The following TBCEL variants were observed in gnomAD, a reference collection of about 807,000 sequenced individuals.
TBCEL encodes the protein tubulin folding cofactor E like, also known as tubulin-specific chaperone cofactor E-like protein.
Under a neutral mutation model 44.2 loss-of-function variants are expected in TBCEL, and 15 were observed. The ratio of observed to expected loss-of-function variants is 0.34; its 90% CI spans 0.23 to 0.52. TBCEL has a LOEUF of 0.52. Among genes scored for constraint, TBCEL ranks in the 20% least tolerant of loss-of-function variants. The probability of loss-of-function intolerance (pLI) is 0.95; values close to 1 mark genes in which losing one functional copy is unlikely to be tolerated. For synonymous variants in TBCEL, 171 were observed against 185.4 expected (o/e 0.92, Z 0.63); for missense variants, 319 against 506.3 (o/e 0.63, Z 3.55).
chr11:121,030,188 T>C (rs1468356605), intron 1 of TBCEL, among the ~76,000 whole-genome samples: 1 of 152,108 alleles, frequency 6.6e-6, no homozygotes, highest in African/African-American at 2.4e-5. Context: ...ATGCAAAGGC[T>C]GTAGGGGGAA....
intron 8 of TBCEL, among the ~76,000 whole-genome samples, chr11:121,086,502 CT>C (rs1946219753): frequency 6.6e-6 from 1 of 152,096 alleles, no homozygotes; most frequent in Admixed American, 6.6e-5. Flanking sequence ...ATAGTGTCTA[CT>C]TTTCTAGGTT....
At chr11:121,045,585 T>C in intron 2 of TBCEL, 89 bp from the exon 3 acceptor site, 1 of 1,085,586 alleles carries the variant, frequency 9.2e-7, no homozygotes, top group African/African-American at 1.6e-5. Context: ...CCTAGTCTAG[T>C]ACTTTATACA....
rs1242711889 is a variant in TBCEL, at chr11:121,061,214, T to C, written c.956+1129T>C. 3.3e-5 allele frequency among the ~76,000 whole-genome samples: 5 copies of C among 152,022 alleles called. No homozygotes were observed. The East Asian group carries it at 9.6e-4, about 29-fold the overall frequency. ...TATTAGGTTAAACCAGATGAAATTTTTTTTAGGTAAAAAATGCTATAGTAT... is the reference window on the plus strand; with the variant it reads ...TATTAGGTTAAACCAGATGAAATTTCTTTTAGGTAAAAAATGCTATAGTAT... On this transcript the variant is annotated intron_variant, in intron 8 of 8. Transcript: ENST00000683345.
intron 8 of TBCEL, among the ~76,000 whole-genome samples, chr11:121,068,147 C>T (rs1039459488): frequency 3.3e-5 from 5 of 152,304 alleles, no homozygotes; most frequent in South Asian, 4.1e-4. Context: ...AAATTCCAGA[C>T]GGCGCTTTCC....
At chr11:121,065,787 G>A (rs949663736) in intron 8 of TBCEL, among the ~76,000 whole-genome samples, 1 of 152,172 alleles carries the variant, frequency 6.6e-6, no homozygotes, top group Non-Finnish European at 1.5e-5. Context: ...TAAATCACCA[G>A]CACAGCACAG....
At chr11:121,049,724 G>A (rs1945496062) in intron 4 of TBCEL, among the ~76,000 whole-genome samples, 1 of 151,736 alleles carries the variant, frequency 6.6e-6, no homozygotes. Flanking sequence ...TTTGTGCCTG[G>A]ACCATGTATA....
At chr11:121,036,754 G>A (rs1348262326) in intron 2 of TBCEL, 142 bp downstream of exon 2, 1 of 152,162 alleles carries the variant, frequency 6.6e-6, no homozygotes, top group Non-Finnish European at 1.5e-5. Flanking sequence ...AAGCATGAGA[G>A]TCAGTCATAG....
Position 121,028,047 on chromosome 11 carries a change from AT to A in TBCEL, c.-126+3758del, listed in dbSNP as rs374092381. On this transcript the variant is annotated intron_variant, in intron 1 of 8. Coordinates refer to ENST00000683345, the MANE Select transcript of TBCEL (RefSeq NM_001363644.2). ...GTAGGGAGACCCATCTCTATGAAAA[AT>A]TAAAAAATTAGCCAGGCATAGTGGT... 4.4e-3 allele frequency among the ~76,000 whole-genome samples: 664 copies of A among 152,146 alleles called. 4 individuals are homozygous for A. Among genetic ancestry groups the A allele is most frequent in the African/African-American group, 0.015 (622 of 41,488 alleles).
intron 3 of TBCEL, among the ~76,000 whole-genome samples, chr11:121,046,244 ATAAT>A (rs1296035453): frequency 1.3e-5 from 2 of 152,124 alleles, no homozygotes; most frequent in African/African-American, 4.8e-5. Context: ...AATTTAAAAG[ATAAT>A]TAATATGATC....
chr11:121,054,109 G>T (rs954139324), intron 5 of TBCEL, among the ~76,000 whole-genome samples: 1 of 151,842 alleles, frequency 6.6e-6, no homozygotes, highest in Admixed American at 6.6e-5. Flanking sequence ...ACATTCAGAT[G>T]ATTAAGTGCC....
chr11:121,043,587 C>T (rs35457276), intron 2 of TBCEL, among the ~76,000 whole-genome samples: 13,435 of 152,100 alleles, frequency 0.088, 624 homozygotes, highest in Middle Eastern at 0.16. Flanking sequence ...TTCAGGGCTA[C>T]TGGCTTCTCC....
At chr11:121,044,413 A>G (rs1192938737) in intron 2 of TBCEL, among the ~76,000 whole-genome samples, 1 of 152,076 alleles carries the variant, frequency 6.6e-6, no homozygotes, top group East Asian at 1.9e-4. Flanking sequence ...GCTCCTGACA[A>G]TGTCTACCAT....
At chr11:121,061,944 A>AT (rs1373990951) in intron 8 of TBCEL, among the ~76,000 whole-genome samples, 1 of 152,182 alleles carries the variant, frequency 6.6e-6, no homozygotes, top group African/African-American at 2.4e-5. Flanking sequence ...AAGCTTTCTA[A>AT]TTTTTTAAAA....
At chr11:121,037,917 GT>G (rs1945261403) in intron 2 of TBCEL, among the ~76,000 whole-genome samples, 1 of 151,314 alleles carries the variant, frequency 6.6e-6, no homozygotes, top group South Asian at 2.1e-4. Flanking sequence ...TTTTGTTGTT[GT>G]TGTTTATTTA....
intron 2 of TBCEL, among the ~76,000 whole-genome samples, chr11:121,039,564 T>G (rs566545998): frequency 6.6e-6 from 1 of 152,334 alleles, no homozygotes; most frequent in East Asian, 1.9e-4. Flanking sequence ...AAGGCACATA[T>G]TTTAAAAATA....
At chr11:121,072,853 T>C (rs1055193900) in intron 8 of TBCEL, among the ~76,000 whole-genome samples, 13 of 152,160 alleles carry the variant, frequency 8.5e-5, no homozygotes, top group Non-Finnish European at 1.8e-4. Context: ...GACTTAAATC[T>C]ACCTGGAATT....
In TBCEL at chr11:121,086,923, C is replaced by G; in HGVS notation, c.1102C>G (p.Leu368Val). Residue 368 changes from leucine to valine, a missense_variant, in exon 9 of 9, where the codon CTA becomes GTA. By Grantham distance (32) the Leu-to-Val change is conservative. Transcript: ENST00000683345. The stretch of plus-strand genomic sequence containing the variant: ...TCGTCTGGACCAAACAGTGGCAGAA[C>G]TAAAGAAACAGTTAAAAACTCTAGT... ...SIRLDQTVAE[L>V]KKQLKTLVQL... 6.2e-7 allele frequency: 1 copy of G among 1,614,038 alleles called. No homozygotes were observed. The highest frequency in any genetic ancestry group is 8.5e-7 in the Non-Finnish European group (1 of 1,179,982).
At chr11:121,029,259 G>C (rs2059309522) in intron 1 of TBCEL, among the ~76,000 whole-genome samples, 2 of 152,022 alleles carry the variant, frequency 1.3e-5, no homozygotes, top group African/African-American at 4.8e-5. Flanking sequence ...TTTTTGGAGG[G>C]AAAAACGATT....
chr11:121,076,853 G>A lies in TBCEL; in HGVS notation c.957-9925G>A, dbSNP rs145807886. Among the ~76,000 whole-genome samples, 353 of 152,052 alleles carry A rather than the reference G, an allele frequency of 2.3e-3. 1 individual carries two copies. Among genetic ancestry groups the A allele is most frequent in the Non-Finnish European group, 3.6e-3 (242 of 67,868 alleles). On this transcript the variant is annotated intron_variant, in intron 8 of 8. Coordinates refer to ENST00000683345, the MANE Select transcript of TBCEL (RefSeq NM_001363644.2). ...TTCCTTCTATTCCAAGTTTGCTGGAGCTTTTCATGAATGGGTGCTGAATTT... is the reference window on the plus strand; with the variant it reads ...TTCCTTCTATTCCAAGTTTGCTGGAACTTTTCATGAATGGGTGCTGAATTT...
Sources: allele counts gnomAD v4.1 joint callset (sites outside exome capture counted in the v4.1 genomes callset), GRCh38; gene constraint gnomAD v4.1.1; transcripts MANE v1.5; gene names NCBI Gene and HGNC (gene_info 2026-07-23, HGNC 2026-07-21).